MAP3K1: variants seen among roughly 807,000 people sequenced by gnomAD.
The protein encoded by MAP3K1 is mitogen-activated protein kinase kinase kinase 1.
Under a neutral mutation model 144.2 loss-of-function variants are expected in MAP3K1, and 36 were observed. The ratio of observed to expected loss-of-function variants is 0.25; its 90% CI spans 0.19 to 0.33. The LOEUF (loss-of-function observed/expected upper bound fraction) is 0.33. MAP3K1 is among the 10% of genes least tolerant of loss of function. The pLI is 1.00. For missense variants in MAP3K1, 1,650 were observed against 1,881.9 expected, an observed-to-expected ratio of 0.88 and a Z score of 2.28; for synonymous variants, 718 against 688.7, an observed-to-expected ratio of 1.04 and a Z score of -0.67.
In MAP3K1 at chr5:56,884,794, G is replaced by A; in HGVS notation, c.3950G>A (p.Ser1317Asn). 2 of 1,613,802 alleles carry A rather than the reference G, an allele frequency of 1.2e-6. No homozygotes were observed. The highest frequency in any genetic ancestry group is 2.2e-5 in the East Asian group (1 of 44,814). Residue 1317 changes from serine to asparagine, a missense_variant, in exon 16 of 20, where the codon AGC (serine) becomes AAC (asparagine). By Grantham distance (46) the Ser-to-Asn change is conservative. Transcript: ENST00000399503. ...IRMLGATCEK[S>N]NYNLFIEWMA... ...ATGTTGGGAGCCACGTGTGAGAAGA[G>A]CAATTACAATCTCTTCATTGAATGG...
chr5:56,887,927 G>A (rs1346067973), intron 18 of MAP3K1: 1 of 466,866 alleles, frequency 2.1e-6, no homozygotes, highest in Non-Finnish European at 3.9e-6. Context: ...CTTCTGTCGT[G>A]TTCATAATTC....
chr5:56,893,942 TTTGCATGACTAAA>T lies in MAP3K1; in HGVS notation c.*268_*280del. On this transcript the variant is annotated 3_prime_UTR_variant, in exon 20 of 20. Transcript: ENST00000399503. Reference sequence around the variant, plus strand: ...CTAGGTGAACAGGAAAACAATGAAGTTTGCATGACTAAATTGCAGAAGCATAATTTTATTTTTT... The same window carrying T: ...CTAGGTGAACAGGAAAACAATGAAGTTTGCAGAAGCATAATTTTATTTTTT... 1 of 505,876 alleles carries T rather than the reference TTTGCATGACTAAA, an allele frequency of 2.0e-6. No homozygotes were observed. The highest frequency in any genetic ancestry group is 3.6e-6 in the Non-Finnish European group (1 of 279,240). 31.3% of individuals were successfully genotyped at this position (505,876 alleles called of 1,614,324 possible). A position where few individuals can be genotyped will look rare whatever the true frequency, so the allele number is the denominator to read the frequency against.
intron 1 of MAP3K1, among the ~76,000 whole-genome samples, chr5:56,817,304 T>G (rs999773340): frequency 6.6e-6 from 1 of 152,196 alleles, no homozygotes; most frequent in African/African-American, 2.4e-5. Flanking sequence ...TTTGTGATAG[T>G]CCCTCGTGGC....
Position 56,893,727 on chromosome 5 carries a change from GAA to G in MAP3K1, c.*54_*55del, listed in dbSNP as rs762324378. ...AGTAGAAACAGGATGCTCAACAAGA[GAA>G]AAAAAACTTGTGGGGAACCACATTG... On this transcript the variant is annotated 3_prime_UTR_variant, in exon 20 of 20. Coordinates refer to ENST00000399503, the MANE Select transcript of MAP3K1 (RefSeq NM_005921.2). The G allele has an allele frequency of 1.2e-6, 2 of 1,604,276 alleles. No homozygotes were observed. Among genetic ancestry groups the G allele is most frequent in the Non-Finnish European group, 1.7e-6 (2 of 1,173,414 alleles).
At chr5:56,864,712 A>G in intron 3 of MAP3K1, 22 bp from the exon 4 acceptor site, 1 of 1,612,346 alleles carries the variant, frequency 6.2e-7, no homozygotes. Context: ...AAACGTACCT[A>G]ATAAAAAAAA....
chr5:56,824,513 G>A (rs1334687178), intron 1 of MAP3K1, among the ~76,000 whole-genome samples: 1 of 152,248 alleles, frequency 6.6e-6, no homozygotes, highest in Non-Finnish European at 1.5e-5. Flanking sequence ...AGTGAGAGGA[G>A]AGAGGGAGAA....
chr5:56,891,213 A>G (rs1046598707), intron 19 of MAP3K1, among the ~76,000 whole-genome samples: 2 of 147,960 alleles, frequency 1.4e-5, no homozygotes, highest in Non-Finnish European at 3.0e-5. Flanking sequence ...AAGAAGGAAG[A>G]GGGACTTTTT....
At chr5:56,859,683 A>C (rs1304004862) in intron 2 of MAP3K1, 32 bp from the exon 3 acceptor site, 1 of 1,484,040 alleles carries the variant, frequency 6.7e-7, no homozygotes, top group Non-Finnish European at 9.4e-7. Flanking sequence ...TATATTTTTA[A>C]GTAATCAAAA....
chr5:56,831,861 T>C (rs986918284), intron 1 of MAP3K1, among the ~76,000 whole-genome samples: 2 of 152,232 alleles, frequency 1.3e-5, no homozygotes, highest in African/African-American at 4.8e-5. Context: ...CCTAATTGAA[T>C]TGCAGTTGAA....
Position 56,859,872 on chromosome 5 carries a change from CAG to C in MAP3K1, c.793_794del (p.Glu265IlefsTer35), listed in dbSNP as rs1338345984. On this transcript the variant is annotated frameshift_variant, in exon 3 of 20. Coordinates refer to ENST00000399503, the MANE Select transcript of MAP3K1 (RefSeq NM_005921.2). LOFTEE classifies it high-confidence loss of function. ...TCCCCATCAGGTCGCACAGTGAAATCAGAATCTCCAGGAGTAAGGAGAAAAAG... is the reference window on the plus strand; with the variant it reads ...TCCCCATCAGGTCGCACAGTGAAATCAATCTCCAGGAGTAAGGAGAAAAAG... The C allele has an allele frequency of 6.2e-7, 1 of 1,613,710 alleles. No homozygotes were observed. The highest frequency in any genetic ancestry group is 8.5e-7 in the Non-Finnish European group (1 of 1,179,856).
At chr5:56,838,857 C>T (rs1490329547) in intron 1 of MAP3K1, among the ~76,000 whole-genome samples, 2 of 152,158 alleles carry the variant, frequency 1.3e-5, no homozygotes, top group African/African-American at 4.8e-5. Context: ...GTCTCAAAAC[C>T]TTACCATCAT....
chr5:56,878,146 C>T (rs1317778629), intron 10 of MAP3K1, among the ~76,000 whole-genome samples: 1 of 152,196 alleles, frequency 6.6e-6, no homozygotes, highest in African/African-American at 2.4e-5. Flanking sequence ...GTGAGAGTTA[C>T]TTTGAGATTA....
intron 2 of MAP3K1, among the ~76,000 whole-genome samples, chr5:56,858,023 C>A (rs553233297): frequency 6.6e-6 from 1 of 152,250 alleles, no homozygotes; most frequent in African/African-American, 2.4e-5. Flanking sequence ...ATGGTGGGAA[C>A]CCCTCACCAT....
chr5:56,817,058 T>G (rs1745999507), intron 1 of MAP3K1: 1 of 985,258 alleles, frequency 1.0e-6, no homozygotes, highest in African/African-American at 1.7e-5. Context: ...GGGGCCGCAG[T>G]GCGGTGGGCT....
At chr5:56,892,015 T>C (rs1362736038) in intron 19 of MAP3K1, among the ~76,000 whole-genome samples, 5 of 152,182 alleles carry the variant, frequency 3.3e-5, no homozygotes, top group African/African-American at 1.2e-4. Context: ...CTTGGCAATG[T>C]GGGCTCTTTT....
At chr5:56,842,097 C>T (rs1396007302) in intron 1 of MAP3K1, 1 of 152,188 alleles carries the variant, frequency 6.6e-6, no homozygotes, top group African/African-American at 2.4e-5. Context: ...TAATATTAAA[C>T]AGTTGAAGCC....
At chr5:56,876,946 TC>T (rs1384362223) in intron 10 of MAP3K1, among the ~76,000 whole-genome samples, 1 of 152,154 alleles carries the variant, frequency 6.6e-6, no homozygotes, top group East Asian at 1.9e-4. Context: ...TGTGAAAAGT[TC>T]CCTGAAGAAA....
intron 1 of MAP3K1, 130 bp downstream of exon 1, chr5:56,816,185 A>C: frequency 1.0e-6 from 1 of 978,318 alleles, no homozygotes. Context: ...GCCGGGACCT[A>C]CGCCCCTGAG....
chr5:56,816,121 C>T (rs1038678181), intron 1 of MAP3K1, 66 bp downstream of exon 1: 68 of 1,178,392 alleles, frequency 5.8e-5, no homozygotes, highest in Non-Finnish European at 6.2e-5. Flanking sequence ...GAATGAACCC[C>T]GGGCACCATG....
Sources: allele counts gnomAD v4.1 joint callset (sites outside exome capture counted in the v4.1 genomes callset), GRCh38; gene constraint gnomAD v4.1.1; transcripts MANE v1.5; gene names NCBI Gene and HGNC (gene_info 2026-07-23, HGNC 2026-07-21).